The following SKAP1 variants were observed in gnomAD, a reference collection of about 807,000 sequenced individuals.
The protein encoded by SKAP1 is src kinase associated phosphoprotein 1, also known as src kinase-associated phosphoprotein 1.
Under a neutral mutation model 58.5 loss-of-function variants are expected in SKAP1, and 44 were observed. That is an observed-to-expected ratio of 0.75 (90% confidence interval 0.59 to 0.97). The LOEUF (loss-of-function observed/expected upper bound fraction) is 0.97, where lower values mean the gene tolerates loss of function less well. Among genes scored for constraint, SKAP1 ranks in the 50% least tolerant of loss-of-function variants. SKAP1 has a pLI of 0.00. For missense variants in SKAP1, 390 were observed against 435.2 expected (o/e 0.90, Z 0.92); for synonymous variants, 127 against 149.7 (o/e 0.85, Z 1.11).
intron 10 of SKAP1, among the ~76,000 whole-genome samples, chr17:48,168,897 A>G (rs2064175360): frequency 6.6e-6 from 1 of 152,254 alleles, no homozygotes; most frequent in African/African-American, 2.4e-5. Flanking sequence ...GAGAAAAGGC[A>G]GTATATAAAA....
intron 5 of SKAP1, among the ~76,000 whole-genome samples, chr17:48,188,874 C>T (rs1015545208): frequency 1.6e-4 from 25 of 152,124 alleles, no homozygotes; most frequent in Admixed American, 6.5e-5. Context: ...GTGGCACGCA[C>T]CTGTAGTCCC....
the SKAP1 span, among the ~76,000 whole-genome samples, chr17:48,442,708 T>C: frequency 1.3e-5 from 2 of 152,162 alleles, no homozygotes; most frequent in East Asian, 3.9e-4. Context: ...GGAAAATATG[T>C]TTCAAACAAT....
chr17:48,139,417 G>A (rs1021998092), intron 11 of SKAP1, among the ~76,000 whole-genome samples: 3 of 151,684 alleles, frequency 2.0e-5, no homozygotes. Context: ...TCCTGACCTC[G>A]TCATCCACCC....
At chr17:48,225,615 T>C (rs188535153) in intron 4 of SKAP1, among the ~76,000 whole-genome samples, 3 of 152,300 alleles carry the variant, frequency 2.0e-5, no homozygotes, top group Non-Finnish European at 4.4e-5. Flanking sequence ...GAGCCCTAGA[T>C]GCCCATGGAA....
At chr17:48,318,280 G>A (rs781243503) in intron 4 of SKAP1, among the ~76,000 whole-genome samples, 3 of 152,166 alleles carry the variant, frequency 2.0e-5, no homozygotes, top group Admixed American at 1.3e-4. Flanking sequence ...TACACCTAAT[G>A]GTGCAATACT....
At chr17:48,265,080 T>G in intron 4 of SKAP1, among the ~76,000 whole-genome samples, 1 of 152,200 alleles carries the variant, frequency 6.6e-6, no homozygotes, top group East Asian at 1.9e-4. Flanking sequence ...TATACACTTT[T>G]TATAGGATTT....
chr17:48,168,776 G>A (rs1456404662), intron 10 of SKAP1, among the ~76,000 whole-genome samples: 1 of 152,128 alleles, frequency 6.6e-6, no homozygotes, highest in East Asian at 1.9e-4. Context: ...CCTTTTAAAT[G>A]CCTTCACTGG....
At chr17:48,374,175 C>T (rs1338345066) in intron 2 of SKAP1, among the ~76,000 whole-genome samples, 1 of 151,696 alleles carries the variant, frequency 6.6e-6, no homozygotes, top group East Asian at 1.9e-4. Context: ...TCTGGGACTA[C>T]AGGCACGCTC....
intron 2 of SKAP1, among the ~76,000 whole-genome samples, chr17:48,367,176 T>G (rs1167131601): frequency 6.6e-6 from 1 of 152,082 alleles, no homozygotes; most frequent in East Asian, 1.9e-4. Context: ...ATACTAAGAG[T>G]ATTGCTTCTG....
intron 4 of SKAP1, among the ~76,000 whole-genome samples, chr17:48,216,167 G>T (rs892626627): frequency 6.6e-6 from 1 of 152,198 alleles, no homozygotes; most frequent in Non-Finnish European, 1.5e-5. Context: ...CACACATGTT[G>T]TTCTTGGCAG....
At chr17:48,224,020 G>GAA (rs2143743004) in intron 4 of SKAP1, among the ~76,000 whole-genome samples, 1 of 126,126 alleles carries the variant, frequency 7.9e-6, no homozygotes, top group South Asian at 2.9e-4. Flanking sequence ...CAGAGAGAGA[G>GAA]AGAGAGAGAG....
intron 2 of SKAP1, among the ~76,000 whole-genome samples, chr17:48,386,594 A>G (rs56310092): frequency 0.029 from 4,473 of 152,302 alleles, 243 homozygotes; most frequent in African/African-American, 0.1. Flanking sequence ...TCGAGGATCT[A>G]AAGACTAGCG....
chr17:48,221,006 C>T (rs1445230676), intron 4 of SKAP1, among the ~76,000 whole-genome samples: 2 of 151,918 alleles, frequency 1.3e-5, no homozygotes, highest in African/African-American at 2.4e-5. Context: ...CGGTGGCTCA[C>T]GCCTGTAATC....
intron 3 of SKAP1, among the ~76,000 whole-genome samples, chr17:48,361,387 T>C (rs980924235): frequency 1.1e-4 from 16 of 151,784 alleles, no homozygotes; most frequent in African/African-American, 3.9e-4. Context: ...TTGTATGTAG[T>C]AGAGACAGGG....
At chr17:48,201,838 T>C (rs2064731898) in intron 4 of SKAP1, among the ~76,000 whole-genome samples, 1 of 152,214 alleles carries the variant, frequency 6.6e-6, no homozygotes, top group Admixed American at 6.5e-5. Context: ...GAATAACTGA[T>C]TACTCTTTAG....
chr17:48,397,596 G>C (rs1344787847), intron 1 of SKAP1, among the ~76,000 whole-genome samples: 1 of 152,054 alleles, frequency 6.6e-6, no homozygotes, highest in Non-Finnish European at 1.5e-5. Context: ...ATAGAAGCTA[G>C]AAAGAAATAC....
chr17:48,417,756 A>G (rs1485824635), intron 1 of SKAP1, among the ~76,000 whole-genome samples: 2 of 152,080 alleles, frequency 1.3e-5, no homozygotes, highest in Non-Finnish European at 2.9e-5. Context: ...AAAAAAAAAA[A>G]AAAAAGAAAA....
upstream of SKAP1, among the ~76,000 whole-genome samples, chr17:48,432,433 AAAAG>A (rs371050629): frequency 0.018 from 2,733 of 151,438 alleles, 33 homozygotes; most frequent in Non-Finnish European, 0.025. Context: ...CATCTCAAAA[AAAAG>A]AAAGAAAGAA....
At chr17:48,143,008 G>A (rs1180913027) in intron 11 of SKAP1, among the ~76,000 whole-genome samples, 1 of 148,806 alleles carries the variant, frequency 6.7e-6, no homozygotes, top group Non-Finnish European at 1.5e-5. Context: ...GTAGAGATGG[G>A]GTCTCCCTAT....
Sources: allele counts gnomAD v4.1 joint callset (sites outside exome capture counted in the v4.1 genomes callset), GRCh38; gene constraint gnomAD v4.1.1; transcripts MANE v1.5; gene names NCBI Gene and HGNC (gene_info 2026-07-23, HGNC 2026-07-21).